LRP1B: variants seen among roughly 807,000 people sequenced by gnomAD.
LRP1B encodes LDL receptor related protein 1B, also known as low-density lipoprotein receptor-related protein 1B.
Under a neutral mutation model 556.6 loss-of-function variants are expected in LRP1B, and 217 were observed. That is an observed-to-expected ratio of 0.39 (90% CI 0.35 to 0.44). The LOEUF is 0.44. Ranked by LOEUF, LRP1B falls within the 20% of genes least tolerant of loss-of-function variation. The pLI is 1.00. For synonymous variants in LRP1B, 2,047 were observed against 1,865.8 expected (o/e 1.10, Z -2.50); for missense variants, 5,053 against 5,620.8 (o/e 0.90, Z 3.23).
At chr2:142,023,766 T>C (rs1288453841) in intron 1 of LRP1B, among the ~76,000 whole-genome samples, 1 of 152,104 alleles carries the variant, frequency 6.6e-6, no homozygotes, top group Admixed American at 6.6e-5. Flanking sequence ...GATGGAGAGG[T>C]ACTGGATAAT....
chr2:141,997,284 G>C (rs550601622), intron 1 of LRP1B, among the ~76,000 whole-genome samples: 1 of 151,918 alleles, frequency 6.6e-6, no homozygotes, highest in South Asian at 2.1e-4. Context: ...TCAGCAGTTT[G>C]TTCCTGCTAA....
intron 25 of LRP1B, among the ~76,000 whole-genome samples, chr2:140,877,492 G>A (rs190169772): frequency 5.8e-4 from 88 of 152,144 alleles, no homozygotes; most frequent in Admixed American, 4.0e-3. Context: ...AAGAAAAGGC[G>A]GGAAATGTGA....
At chr2:140,835,041 A>G (rs1342664577) in intron 31 of LRP1B, among the ~76,000 whole-genome samples, 1 of 152,204 alleles carries the variant, frequency 6.6e-6, no homozygotes, top group Non-Finnish European at 1.5e-5. Flanking sequence ...TCTGCTAATA[A>G]CTTTTCTCAA....
chr2:141,188,303 A>G (rs183497576), intron 7 of LRP1B, 118 bp downstream of exon 7: 73 of 958,834 alleles, frequency 7.6e-5, no homozygotes, highest in Non-Finnish European at 1.1e-4. Flanking sequence ...GTTAAAATCA[A>G]CATTTCTAAA....
chr2:141,946,070 G>C (rs1438918512), intron 1 of LRP1B, among the ~76,000 whole-genome samples: 1 of 151,926 alleles, frequency 6.6e-6, no homozygotes, highest in Non-Finnish European at 1.5e-5. Flanking sequence ...GCACGTAGGG[G>C]TACCTATACT....
At chr2:140,771,156 G>C in intron 33 of LRP1B, 150 bp from the exon 34 acceptor site, 1 of 552,386 alleles carries the variant, frequency 1.8e-6, no homozygotes, top group Admixed American at 4.2e-5. Flanking sequence ...TTATTCTCTT[G>C]AATAATTTAA....
At chr2:142,014,436 T>G (rs1372024163) in intron 1 of LRP1B, among the ~76,000 whole-genome samples, 2 of 152,262 alleles carry the variant, frequency 1.3e-5, no homozygotes, top group East Asian at 3.9e-4. Flanking sequence ...AAGATTATGA[T>G]TGAAAATACA....
intron 27 of LRP1B, among the ~76,000 whole-genome samples, chr2:140,864,051 G>A (rs753414989): frequency 1.3e-5 from 2 of 151,696 alleles, no homozygotes; most frequent in East Asian, 1.9e-4. Flanking sequence ...ATAACAGAAC[G>A]ATTATCCCCT....
At chr2:140,261,196 G>T (rs1403592717) in intron 86 of LRP1B, among the ~76,000 whole-genome samples, 1 of 151,646 alleles carries the variant, frequency 6.6e-6, no homozygotes, top group Non-Finnish European at 1.5e-5. Flanking sequence ...GAGAAATTTT[G>T]GAAAAATTTG....
At chr2:140,622,404 A>C (rs1009656543) in intron 41 of LRP1B, among the ~76,000 whole-genome samples, 2 of 152,126 alleles carry the variant, frequency 1.3e-5, no homozygotes, top group Admixed American at 1.3e-4. Context: ...TTTAGCTTTC[A>C]CAGTTTACCT....
At chr2:140,769,081 T>C in intron 35 of LRP1B, 132 bp downstream of exon 35, 1 of 807,568 alleles carries the variant, frequency 1.2e-6, no homozygotes. Flanking sequence ...TTGGCCTTAA[T>C]ATTTATCTAT....
intron 1 of LRP1B, among the ~76,000 whole-genome samples, chr2:141,821,175 C>G (rs1336070890): frequency 5.3e-5 from 8 of 152,234 alleles, no homozygotes; most frequent in Admixed American, 5.2e-4. Flanking sequence ...ATTGAGCACT[C>G]TTCAGGCTTC....
At chr2:140,801,217 C>A (rs1690497823) in intron 32 of LRP1B, among the ~76,000 whole-genome samples, 1 of 151,998 alleles carries the variant, frequency 6.6e-6, no homozygotes, top group Non-Finnish European at 1.5e-5. Flanking sequence ...TTTTAGGAGA[C>A]AAAAATACTC....
At chr2:141,431,173 G>C (rs373145809) in intron 3 of LRP1B, among the ~76,000 whole-genome samples, 2 of 77,382 alleles carry the variant, frequency 2.6e-5, no homozygotes, top group African/African-American at 8.8e-5. Context: ...AAATGAAATA[G>C]ATTACCATAG....
At chr2:142,084,348 C>T (rs4662372) in intron 1 of LRP1B, among the ~76,000 whole-genome samples, 66,748 of 151,950 alleles carry the variant, frequency 0.44, 16,332 homozygotes, top group East Asian at 0.69. Context: ...AATACTTCCT[C>T]CTCTTCCTCT....
chr2:140,528,702 A>G (rs1574044340), intron 47 of LRP1B, among the ~76,000 whole-genome samples: 1 of 152,030 alleles, frequency 6.6e-6, no homozygotes, highest in East Asian at 1.9e-4. Context: ...AGAGTTTTGT[A>G]AGCAGTAGGA....
chr2:141,549,258 A>G (rs888764855), intron 2 of LRP1B, among the ~76,000 whole-genome samples: 1 of 152,154 alleles, frequency 6.6e-6, no homozygotes, highest in African/African-American at 2.4e-5. Context: ...TGTAAACCTC[A>G]TGACGTTATC....
chr2:141,479,165 C>G (rs1289030722), intron 3 of LRP1B, among the ~76,000 whole-genome samples: 2 of 152,166 alleles, frequency 1.3e-5, no homozygotes, highest in African/African-American at 4.8e-5. Context: ...ACTCTTACAT[C>G]TTCAGGTTAT....
At chr2:140,470,674 T>A (rs113683854) in intron 60 of LRP1B, among the ~76,000 whole-genome samples, 15,097 of 96,182 alleles carry the variant, frequency 0.16, 1,738 homozygotes, top group Non-Finnish European at 0.21. Flanking sequence ...AAAAAAAAAA[T>A]GGCAAAGATT....
Sources: gnomAD v4.1 joint callset for allele counts (sites outside exome capture counted in the v4.1 genomes callset) on GRCh38, gnomAD v4.1.1 for gene constraint, MANE v1.5 for transcripts, NCBI Gene and HGNC (gene_info 2026-07-23, HGNC 2026-07-21) for gene names.